Variants in OR4F17 observed in about 807,000 individuals in gnomAD.
The protein encoded by OR4F17 is olfactory receptor family 4 subfamily F member 17.
For missense variants in OR4F17, 1 was observed against 323.6 expected, an observed-to-expected ratio of 0.00 and a Z score of 7.65; for synonymous variants, 1 against 120.7, an observed-to-expected ratio of 0.01 and a Z score of 6.50.
chr19:107,938 T>A (rs866808059), intron 2 of OR4F17, among the ~76,000 whole-genome samples: 1 of 68,840 alleles, frequency 1.5e-5, no homozygotes, highest in Non-Finnish European at 2.7e-5. Context: ...TATATATTAT[T>A]ATATAATATA....
intron 2 of OR4F17, among the ~76,000 whole-genome samples, chr19:108,914 CT>C (rs1483029483): frequency 6.6e-6 from 1 of 151,868 alleles, no homozygotes; most frequent in Non-Finnish European, 1.5e-5. Context: ...TTTTATAGGA[CT>C]TTAAAAACAG....
At chr19:107,755 T>A (rs1226455340) in intron 2 of OR4F17, among the ~76,000 whole-genome samples, 200 bp downstream of exon 2, 2 of 130,402 alleles carry the variant, frequency 1.5e-5, no homozygotes, top group African/African-American at 5.9e-5. Context: ...TATATATATA[T>A]ATATTATATA....
intron 2 of OR4F17, among the ~76,000 whole-genome samples, chr19:108,790 T>C: frequency 6.6e-6 from 1 of 152,296 alleles, no homozygotes; most frequent in African/African-American, 2.4e-5. Context: ...TGTCAATGAT[T>C]AGTATGATTA....
At chr19:108,953 T>C (rs1237252858) in intron 2 of OR4F17, among the ~76,000 whole-genome samples, 153 of 151,484 alleles carry the variant, frequency 1.0e-3, no homozygotes, top group African/African-American at 3.7e-3. Context: ...TGTGTAGGAC[T>C]AAGAAATGGG....
intron 2 of OR4F17, among the ~76,000 whole-genome samples, chr19:108,361 A>C (rs1968658090): frequency 6.6e-6 from 1 of 151,804 alleles, no homozygotes; most frequent in Non-Finnish European, 1.5e-5. Context: ...TGTTCAACTT[A>C]GAATAAATAC....
chr19:108,433 T>C (rs1968659347), intron 2 of OR4F17, among the ~76,000 whole-genome samples: 1 of 151,854 alleles, frequency 6.6e-6, no homozygotes, highest in Non-Finnish European at 1.5e-5. Flanking sequence ...GAAAGAATTA[T>C]GGTGGTGAAG....
intron 2 of OR4F17, among the ~76,000 whole-genome samples, chr19:109,037 C>A: frequency 6.6e-6 from 1 of 151,306 alleles, no homozygotes; most frequent in Non-Finnish European, 1.5e-5. Context: ...CAGCAAAAAT[C>A]AAATAACAGT....
intron 2 of OR4F17, among the ~76,000 whole-genome samples, chr19:109,990 C>T (rs1478004570): frequency 6.7e-6 from 1 of 150,040 alleles, no homozygotes; most frequent in Non-Finnish European, 1.5e-5. Context: ...ATTAAACAAT[C>T]ATTCAAAATT....
intron 2 of OR4F17, among the ~76,000 whole-genome samples, chr19:108,395 A>C (rs1457683261): frequency 1.4e-4 from 22 of 151,948 alleles, no homozygotes; most frequent in Non-Finnish European, 2.6e-4. Flanking sequence ...TTTTTTGAAT[A>C]ATTTTTAAAA....
At chr19:108,769 A>G (rs1232163946) in intron 2 of OR4F17, among the ~76,000 whole-genome samples, 2 of 152,254 alleles carry the variant, frequency 1.3e-5, no homozygotes, top group Middle Eastern at 3.4e-3. Flanking sequence ...TAAAAATCCT[A>G]TCATTTGTAC....
At chr19:108,218 A>T (rs1208454953) in intron 2 of OR4F17, among the ~76,000 whole-genome samples, 3 of 140,772 alleles carry the variant, frequency 2.1e-5, no homozygotes, top group African/African-American at 5.1e-5. Flanking sequence ...TATTATATAT[A>T]ATTCTAATGG....
chr19:108,077 ATATATATTTTAT>A (rs1193418003), intron 2 of OR4F17, among the ~76,000 whole-genome samples: 3 of 121,906 alleles, frequency 2.5e-5, no homozygotes, highest in South Asian at 4.6e-4. Flanking sequence ...ATAGAATATA[ATATATATTTTAT>A]TATATAATAT....
At chr19:109,293 TC>T in intron 2 of OR4F17, among the ~76,000 whole-genome samples, 1 of 147,736 alleles carries the variant, frequency 6.8e-6, no homozygotes. Flanking sequence ...GAAATGGCTC[TC>T]AACTCATGCC....
intron 2 of OR4F17, among the ~76,000 whole-genome samples, chr19:107,919 A>ATATAATATATATTATATT (rs1968640620): frequency 1.2e-4 from 1 of 8,374 alleles, no homozygotes; most frequent in African/African-American, 5.1e-4. Flanking sequence ...AAATTATATA[A>ATATAATATATATTATATT]ATATAATATA....
intron 2 of OR4F17, among the ~76,000 whole-genome samples, chr19:107,861 ATATTT>A (rs1293249682): frequency 2.1e-5 from 2 of 94,032 alleles, no homozygotes; most frequent in Admixed American, 1.9e-4. Flanking sequence ...AATATAATAT[ATATTT>A]TATTATATAA....
chr19:108,160 GTA>G (rs1475425567), intron 2 of OR4F17, among the ~76,000 whole-genome samples: 15 of 72,174 alleles, frequency 2.1e-4, no homozygotes, highest in South Asian at 9.7e-4. Context: ...TATAAAATAT[GTA>G]TAATATATAT....
At position 108,193 on chromosome 19, in the gene OR4F17, T is replaced by A. The variant is rs1442978635; in HGVS notation, c.-55+638T>A. 9.6e-5 allele frequency among the ~76,000 whole-genome samples: 13 copies of A among 135,670 alleles called. No homozygotes were observed. In the East Asian group the frequency reaches 1.2e-3, roughly 12 times the overall value. The allele number at this position is 135,670 out of a possible 152,430, so 89.0% of individuals were successfully genotyped here. ...TATATTATATAAATATATTTATATA[T>A]TATATAAATATATATATTATATATA... is the stretch of plus-strand genomic sequence containing the variant. On this transcript the variant is annotated intron_variant, in intron 2 of 2. Coordinates refer to ENST00000585993, the MANE Select transcript of OR4F17 (RefSeq NM_001005240.3).
chr19:108,841 G>A (rs1968666679), intron 2 of OR4F17, among the ~76,000 whole-genome samples: 1 of 152,180 alleles, frequency 6.6e-6, no homozygotes. Context: ...TGAAGTGAAT[G>A]TTCATGATTT....
At chr19:108,172 TTATA>T (rs1418785647) in intron 2 of OR4F17, among the ~76,000 whole-genome samples, 3 of 135,710 alleles carry the variant, frequency 2.2e-5, no homozygotes, top group African/African-American at 8.0e-5. Context: ...ATAATATATA[TTATA>T]TAAATATATT....
Sources: allele counts gnomAD v4.1 joint callset (sites outside exome capture counted in the v4.1 genomes callset), GRCh38; gene constraint gnomAD v4.1.1; transcripts MANE v1.5; gene names NCBI Gene and HGNC (gene_info 2026-07-23, HGNC 2026-07-21).